Variants in SAMTOR observed in about 807,000 individuals in gnomAD.
SAMTOR encodes S-adenosylmethionine sensor upstream of mTORC1.
At chr7:112,922,411 C>T in the SAMTOR span, among the ~76,000 whole-genome samples, 1,051 of 152,266 alleles carry the variant, frequency 6.9e-3, 53 homozygotes, top group Admixed American at 0.064. Flanking sequence ...CTCTGCCTGG[C>T]CGCCCATCGT....
the SAMTOR span, among the ~76,000 whole-genome samples, chr7:112,894,150 G>A: frequency 6.6e-6 from 1 of 151,526 alleles, no homozygotes; most frequent in East Asian, 1.9e-4. Flanking sequence ...AGAGAGGCCT[G>A]GGGGTGAAGG....
the SAMTOR span, among the ~76,000 whole-genome samples, chr7:112,908,474 G>A: frequency 2.6e-5 from 4 of 152,096 alleles, 1 homozygote; most frequent in Admixed American, 1.3e-4. Flanking sequence ...TGTCAAACTC[G>A]ATAATCATAT....
the SAMTOR span, among the ~76,000 whole-genome samples, chr7:112,924,812 C>T: frequency 2.6e-5 from 1 of 39,206 alleles, no homozygotes; most frequent in African/African-American, 5.5e-5. Context: ...ATATAATGGC[C>T]AATGTTCTTT....
chr7:112,832,684 A>C, the SAMTOR span: 1 of 1,488,688 alleles, frequency 6.7e-7, no homozygotes, highest in East Asian at 2.3e-5. Flanking sequence ...ACCTAAAAAC[A>C]GATATTTTAT....
the SAMTOR span, among the ~76,000 whole-genome samples, chr7:112,908,132 A>T: frequency 6.6e-6 from 1 of 152,216 alleles, no homozygotes; most frequent in Admixed American, 6.5e-5. Flanking sequence ...TTTAGGTATC[A>T]ATTGTCAAAC....
chr7:112,856,881 C>G, the SAMTOR span, among the ~76,000 whole-genome samples: 1 of 152,028 alleles, frequency 6.6e-6, no homozygotes, highest in Non-Finnish European at 1.5e-5. Context: ...AACAAAGGAA[C>G]AGAATACAGA....
At chr7:112,935,632 A>G in the SAMTOR span, among the ~76,000 whole-genome samples, 1 of 152,176 alleles carries the variant, frequency 6.6e-6, no homozygotes, top group East Asian at 1.9e-4. Flanking sequence ...TATGTGATAA[A>G]CTGTTTTAAA....
the SAMTOR span, among the ~76,000 whole-genome samples, chr7:112,872,480 G>C: frequency 6.6e-6 from 1 of 151,554 alleles, no homozygotes; most frequent in Non-Finnish European, 1.5e-5. Flanking sequence ...AAAATAATAA[G>C]AGCCACCGAT....
At chr7:112,901,853 G>C in the SAMTOR span, among the ~76,000 whole-genome samples, 1 of 152,186 alleles carries the variant, frequency 6.6e-6, no homozygotes, top group Non-Finnish European at 1.5e-5. Flanking sequence ...TTTTACAGCA[G>C]CTTTATTCAT....
the SAMTOR span, among the ~76,000 whole-genome samples, chr7:112,850,113 A>T: frequency 2.4e-4 from 37 of 152,194 alleles, no homozygotes; most frequent in Non-Finnish European, 3.5e-4. Context: ...GGCTGAGGGA[A>T]TCGCTTGGAC....
the SAMTOR span, among the ~76,000 whole-genome samples, chr7:112,854,263 T>C: frequency 6.6e-6 from 1 of 152,156 alleles, no homozygotes; most frequent in Non-Finnish European, 1.5e-5. Context: ...AAAAAATCCC[T>C]GAAATACTGA....
the SAMTOR span, among the ~76,000 whole-genome samples, chr7:112,865,638 T>C: frequency 5.1e-4 from 52 of 102,808 alleles, no homozygotes; most frequent in South Asian, 9.8e-4. Flanking sequence ...ATATATCATA[T>C]ATACATATAT....
the SAMTOR span, among the ~76,000 whole-genome samples, chr7:112,854,251 T>TA: frequency 2.6e-5 from 4 of 152,118 alleles, no homozygotes; most frequent in Non-Finnish European, 4.4e-5. Flanking sequence ...TCTGTATGCA[T>TA]AAAAAAATCC....
chr7:112,822,403 G>A, the SAMTOR span: 2 of 1,537,978 alleles, frequency 1.3e-6, no homozygotes, highest in Non-Finnish European at 1.7e-6. Flanking sequence ...GGCATATTAA[G>A]AACTTCAAGA....
chr7:112,929,670 G>A, the SAMTOR span, among the ~76,000 whole-genome samples: 2 of 151,906 alleles, frequency 1.3e-5, no homozygotes, highest in Non-Finnish European at 2.9e-5. Flanking sequence ...GCTAAGAAAC[G>A]AAAATAAATG....
the SAMTOR span, among the ~76,000 whole-genome samples, chr7:112,875,282 G>C: frequency 6.6e-6 from 1 of 152,062 alleles, no homozygotes; most frequent in Admixed American, 6.5e-5. Context: ...ACCAGCAAGT[G>C]ATCAAACCCA....
the SAMTOR span, among the ~76,000 whole-genome samples, chr7:112,858,794 A>C: frequency 6.6e-6 from 1 of 152,248 alleles, no homozygotes; most frequent in Non-Finnish European, 1.5e-5. Flanking sequence ...AGCCAGTATC[A>C]GAACTTCTAT....
At chr7:112,895,454 T>C in the SAMTOR span, 1 of 658,450 alleles carries the variant, frequency 1.5e-6, no homozygotes, top group Non-Finnish European at 2.4e-6. Context: ...TTTCTCAGTC[T>C]ATCATGTAAC....
the SAMTOR span, among the ~76,000 whole-genome samples, chr7:112,871,512 A>G: frequency 6.6e-6 from 1 of 152,234 alleles, no homozygotes; most frequent in East Asian, 1.9e-4. Context: ...TCTACAATGC[A>G]GCAAAAGCAG....
Sources: allele counts gnomAD v4.1 joint callset (sites outside exome capture counted in the v4.1 genomes callset), GRCh38; gene constraint gnomAD v4.1.1; transcripts MANE v1.5; gene names NCBI Gene and HGNC (gene_info 2026-07-23, HGNC 2026-07-21).